The following CIB4 variants were observed in gnomAD, a reference collection of about 807,000 sequenced individuals.
CIB4 encodes calcium and integrin-binding family member 4.
CIB4 carries 25 observed loss-of-function variants against 25.8 expected under a neutral mutation model. That is an observed-to-expected ratio of 0.97 (90% CI 0.71 to 1.35). The LOEUF (loss-of-function observed/expected upper bound fraction) is 1.35. Ranked by LOEUF, CIB4 falls within the 40% of genes most tolerant of loss-of-function variation. The pLI is 0.00. For missense variants in CIB4, 235 were observed against 228.2 expected (o/e 1.03, Z -0.19); for synonymous variants, 75 against 81.4 (o/e 0.92, Z 0.42).
At chr2:26,636,647 T>C (rs1053251450) in intron 2 of CIB4, among the ~76,000 whole-genome samples, 2 of 152,214 alleles carry the variant, frequency 1.3e-5, no homozygotes, top group Admixed American at 6.5e-5. Context: ...CTAGTTTTAA[T>C]GAAGCACATC....
rs541535502 is a variant in CIB4 at position 26,622,646 on chromosome 2, G to A, written c.186+6764C>T. Among the ~76,000 whole-genome samples the A allele has an allele frequency of 7.0e-4, 107 of 152,102 alleles. 1 individual carries two copies. The Middle Eastern group carries it at 0.01, about 15-fold the overall frequency. ...AGAGGAAATGTGGCAACCCTCATAG[G>A]GCAACTTAACTCCTGGCACACATGA... On this transcript the variant is annotated intron_variant, in intron 3 of 6. Transcript: ENST00000288861.
intron 4 of CIB4, among the ~76,000 whole-genome samples, chr2:26,588,789 A>T (rs984181841): frequency 6.6e-6 from 1 of 152,122 alleles, no homozygotes; most frequent in African/African-American, 2.4e-5. Flanking sequence ...GGCTGTGCTG[A>T]TGGGAGCAGG....
intron 3 of CIB4, among the ~76,000 whole-genome samples, chr2:26,601,473 G>GA (rs965753402): frequency 1.3e-5 from 2 of 151,648 alleles, no homozygotes; most frequent in Admixed American, 6.6e-5. Flanking sequence ...TTCATATGGG[G>GA]AAAAAATGAA....
chr2:26,598,474 AGAT>A (rs1463461433), intron 3 of CIB4, among the ~76,000 whole-genome samples: 1 of 152,184 alleles, frequency 6.6e-6, no homozygotes, highest in Non-Finnish European at 1.5e-5. Flanking sequence ...AGGTCAAAGA[AGAT>A]GGAGCTGACA....
At chr2:26,608,945 C>T (rs577848228) in intron 3 of CIB4, among the ~76,000 whole-genome samples, 1 of 152,300 alleles carries the variant, frequency 6.6e-6, no homozygotes, top group South Asian at 2.1e-4. Context: ...CTCCTGCAAG[C>T]CTGTCCTTTA....
intron 3 of CIB4, chr2:26,623,757 C>T (rs943326296): frequency 9.5e-6 from 3 of 316,406 alleles, no homozygotes; most frequent in African/African-American, 6.5e-5. Flanking sequence ...GGTGGCCCCG[C>T]CAGTGTGCAG....
intron 6 of CIB4, among the ~76,000 whole-genome samples, chr2:26,582,503 A>C (rs1389121568): frequency 1.3e-5 from 2 of 152,180 alleles, no homozygotes; most frequent in Non-Finnish European, 2.9e-5. Flanking sequence ...CGCTGGAGGC[A>C]GTGGGGTCGT....
At chr2:26,607,745 C>G (rs1327105960) in intron 3 of CIB4, among the ~76,000 whole-genome samples, 1 of 152,236 alleles carries the variant, frequency 6.6e-6, no homozygotes. Flanking sequence ...ACTCCTGGCT[C>G]TGGTAGAGCT....
intron 4 of CIB4, among the ~76,000 whole-genome samples, chr2:26,588,978 T>TTTCTTCTTCTTCTTCTTC (rs879474454): frequency 5.7e-4 from 40 of 69,930 alleles, no homozygotes; most frequent in African/African-American, 9.8e-4. Flanking sequence ...CCGCTTCTTC[T>TTTCTTCTTCTTCTTCTTC]TTCTTCTTCT....
At chr2:26,612,009 T>C (rs1417162155) in intron 3 of CIB4, among the ~76,000 whole-genome samples, 10 of 152,244 alleles carry the variant, frequency 6.6e-5, no homozygotes, top group Non-Finnish European at 1.5e-4. Flanking sequence ...TTTTATTTTA[T>C]TGGTGTCATA....
intron 3 of CIB4, among the ~76,000 whole-genome samples, chr2:26,612,404 G>A (rs1004247930): frequency 3.3e-5 from 5 of 152,238 alleles, no homozygotes; most frequent in African/African-American, 1.2e-4. Context: ...TGGGTAACTA[G>A]GATGCAGTGG....
At chr2:26,619,825 T>C (rs1572563916) in intron 3 of CIB4, among the ~76,000 whole-genome samples, 1 of 142,198 alleles carries the variant, frequency 7.0e-6, no homozygotes, top group Non-Finnish European at 1.5e-5. Flanking sequence ...AACACAATCC[T>C]GATCTACATC....
chr2:26,598,592 G>A (rs924610424), intron 3 of CIB4, among the ~76,000 whole-genome samples: 5 of 152,174 alleles, frequency 3.3e-5, no homozygotes, highest in African/African-American at 4.8e-5. Context: ...GGCTAGGGCC[G>A]AGCTCACCAG....
intron 3 of CIB4, among the ~76,000 whole-genome samples, chr2:26,619,242 G>A (rs979379632): frequency 1.3e-5 from 2 of 152,136 alleles, no homozygotes; most frequent in Non-Finnish European, 2.9e-5. Context: ...CTCCCCACAG[G>A]GCCCTCCCCG....
chr2:26,595,738 A>G (rs1472783496), intron 3 of CIB4, among the ~76,000 whole-genome samples: 1 of 152,266 alleles, frequency 6.6e-6, no homozygotes, highest in African/African-American at 2.4e-5. Context: ...AGGCAAGCCA[A>G]CAGGCTCACT....
At chr2:26,593,150 C>A (rs1455516914) in intron 4 of CIB4, among the ~76,000 whole-genome samples, 2 of 152,158 alleles carry the variant, frequency 1.3e-5, no homozygotes, top group African/African-American at 4.8e-5. Flanking sequence ...GACATTGATG[C>A]TCCTGGTTCT....
intron 3 of CIB4, among the ~76,000 whole-genome samples, chr2:26,597,233 T>C (rs1668698333): frequency 6.6e-6 from 1 of 152,186 alleles, no homozygotes; most frequent in Non-Finnish European, 1.5e-5. Context: ...AATCCATTTG[T>C]TAAAAATATA....
At chr2:26,606,968 A>AT (rs1668901467) in intron 3 of CIB4, among the ~76,000 whole-genome samples, 1 of 152,216 alleles carries the variant, frequency 6.6e-6, no homozygotes, top group South Asian at 2.1e-4. Flanking sequence ...TTAAACAGCC[A>AT]TGGGATCATG....
intron 3 of CIB4, among the ~76,000 whole-genome samples, chr2:26,603,554 A>T (rs997170165): frequency 1.3e-5 from 2 of 152,218 alleles, no homozygotes. Context: ...TCAGTAACAA[A>T]ACAGCATCCA....
Sources: allele counts gnomAD v4.1 joint callset (sites outside exome capture counted in the v4.1 genomes callset), GRCh38; gene constraint gnomAD v4.1.1; transcripts MANE v1.5; gene names NCBI Gene and HGNC (gene_info 2026-07-23, HGNC 2026-07-21).